The following RGS6 variants were observed in gnomAD, a reference collection of about 807,000 sequenced individuals.
RGS6 encodes the protein regulator of G protein signaling 6.
RGS6 carries 30 observed loss-of-function variants against 78.5 expected under a neutral mutation model. The observed-to-expected ratio is 0.38, with a 90% CI of 0.29 to 0.52. RGS6 has a LOEUF of 0.52. Ranked by LOEUF, RGS6 falls within the 20% of genes least tolerant of loss-of-function variation. RGS6 has a pLI of 0.85. For synonymous variants in RGS6, 206 were observed against 206.0 expected, an observed-to-expected ratio of 1.00 and a Z score of 0.00; for missense variants, 495 against 609.7, an observed-to-expected ratio of 0.81 and a Z score of 1.98.
chr14:72,443,834 C>T (rs929413132), intron 3 of RGS6, among the ~76,000 whole-genome samples: 11 of 152,144 alleles, frequency 7.2e-5, no homozygotes, highest in Non-Finnish European at 1.5e-4. Context: ...TCTGCTTATT[C>T]GATTCTTATT....
chr14:72,433,100 A>G (rs1449742790), intron 3 of RGS6, among the ~76,000 whole-genome samples: 4 of 152,184 alleles, frequency 2.6e-5, no homozygotes, highest in African/African-American at 9.7e-5. Flanking sequence ...AGGTGTTTAG[A>G]ATGTTGAGAC....
intron 2 of RGS6, among the ~76,000 whole-genome samples, chr14:72,010,906 G>T (rs907239286): frequency 1.3e-5 from 2 of 152,156 alleles, no homozygotes; most frequent in African/African-American, 4.8e-5. Flanking sequence ...AATTGCTTTT[G>T]TTCTGTGTTT....
intron 2 of RGS6, among the ~76,000 whole-genome samples, chr14:72,031,392 A>C (rs4899416): frequency 0.035 from 5,381 of 152,274 alleles, 104 homozygotes; most frequent in African/African-American, 0.049. Context: ...GTGTACTTAT[A>C]GAGTATACGA....
intron 2 of RGS6, among the ~76,000 whole-genome samples, chr14:72,043,916 G>T (rs1437492353): frequency 6.6e-6 from 1 of 152,146 alleles, no homozygotes; most frequent in Non-Finnish European, 1.5e-5. Context: ...TGTCACTGCT[G>T]CTGCTCCTTC....
At position 72,259,818 on chromosome 14, in the gene RGS6, G is replaced by A. The variant is rs1267821954; in HGVS notation, c.85-92277G>A. On this transcript the variant is annotated intron_variant, in intron 2 of 17. Transcript: ENST00000553525. ...CCCAGCTACTCAGGAGGCTGAGGCCGGAGAATGGCGTGAACCCGGGAGGCG... is the reference window on the plus strand; with the variant it reads ...CCCAGCTACTCAGGAGGCTGAGGCCAGAGAATGGCGTGAACCCGGGAGGCG... Among the ~76,000 whole-genome samples, 6 of 151,232 alleles carry A rather than the reference G, an allele frequency of 4.0e-5. No homozygotes were observed. In the South Asian group the frequency reaches 8.4e-4, roughly 21 times the overall value.
downstream of RGS6, among the ~76,000 whole-genome samples, chr14:72,568,410 T>C (rs2097716495): frequency 6.6e-6 from 1 of 152,200 alleles, no homozygotes; most frequent in Admixed American, 6.5e-5. Context: ...TGCAAATCCC[T>C]GCCAGACGGA....
At chr14:72,336,681 T>A (rs965908230) in intron 2 of RGS6, among the ~76,000 whole-genome samples, 1 of 152,184 alleles carries the variant, frequency 6.6e-6, no homozygotes, top group Non-Finnish European at 1.5e-5. Flanking sequence ...AGGAGTACAT[T>A]AGCTTGCTAG....
intron 2 of RGS6, among the ~76,000 whole-genome samples, chr14:72,159,217 A>T (rs2096819051): frequency 6.6e-6 from 1 of 152,198 alleles, no homozygotes. Flanking sequence ...CTAAGACATT[A>T]TGCGAACCAT....
chr14:72,328,919 T>A (rs2074378088), intron 2 of RGS6, among the ~76,000 whole-genome samples: 1 of 152,266 alleles, frequency 6.6e-6, no homozygotes, highest in Non-Finnish European at 1.5e-5. Flanking sequence ...TTGCCCAGGC[T>A]AGAGTGCAAT....
the RGS6 span, among the ~76,000 whole-genome samples, chr14:71,904,764 T>C: frequency 6.6e-6 from 1 of 152,260 alleles, no homozygotes; most frequent in Non-Finnish European, 1.5e-5. Context: ...GTCTAATGTT[T>C]GCATGGAACT....
chr14:72,309,790 C>A (rs550179925), intron 2 of RGS6, among the ~76,000 whole-genome samples: 1 of 152,252 alleles, frequency 6.6e-6, no homozygotes, highest in Admixed American at 6.5e-5. Flanking sequence ...CTGGCCATAG[C>A]CCAAGGAGGA....
the RGS6 span, among the ~76,000 whole-genome samples, chr14:71,913,628 G>T: frequency 3.3e-5 from 5 of 152,170 alleles, no homozygotes; most frequent in African/African-American, 1.2e-4. Flanking sequence ...ACTCTGTTCT[G>T]GCCGATGAGA....
intron 6 of RGS6, among the ~76,000 whole-genome samples, chr14:72,462,686 G>A (rs931204890): frequency 6.6e-6 from 1 of 152,114 alleles, no homozygotes; most frequent in African/African-American, 2.4e-5. Flanking sequence ...TGAATAAATG[G>A]ATCGGTGAAT....
intron 3 of RGS6, among the ~76,000 whole-genome samples, chr14:72,383,177 CATATAT>C (rs35175623): frequency 0.012 from 870 of 71,022 alleles, 16 homozygotes; most frequent in East Asian, 0.049. Flanking sequence ...AAAAATTGTA[CATATAT>C]ATATATATAT....
chr14:72,270,142 TG>T (rs1203557759), intron 2 of RGS6, among the ~76,000 whole-genome samples: 1 of 152,122 alleles, frequency 6.6e-6, no homozygotes, highest in Non-Finnish European at 1.5e-5. Context: ...CCTTGACAAA[TG>T]GGGATGGATC....
At chr14:72,097,190 CA>C (rs1190040166) in intron 2 of RGS6, among the ~76,000 whole-genome samples, 4 of 152,062 alleles carry the variant, frequency 2.6e-5, no homozygotes, top group Admixed American at 2.0e-4. Flanking sequence ...TAGTTACAAA[CA>C]AAAAACAAAA....
chr14:72,478,128 G>A, intron 11 of RGS6, 140 bp from the exon 12 acceptor site: 6 of 641,978 alleles, frequency 9.3e-6, no homozygotes, highest in Non-Finnish European at 1.7e-5. Context: ...TTTGCTGGAG[G>A]GCAGAGCTGA....
intron 2 of RGS6, among the ~76,000 whole-genome samples, chr14:71,987,063 CATATTT>C (rs1409235501): frequency 7.9e-5 from 12 of 152,170 alleles, no homozygotes; most frequent in African/African-American, 2.7e-4. Flanking sequence ...AGTCAAATAA[CATATTT>C]ATAGGTTTGT....
At chr14:71,921,310 A>T in the RGS6 span, among the ~76,000 whole-genome samples, 2 of 151,214 alleles carry the variant, frequency 1.3e-5, no homozygotes, top group African/African-American at 4.8e-5. Flanking sequence ...ATTAAAAAAA[A>T]GGGTTCCCCC....
Sources: gnomAD v4.1 joint callset for allele counts (sites outside exome capture counted in the v4.1 genomes callset) on GRCh38, gnomAD v4.1.1 for gene constraint, MANE v1.5 for transcripts, NCBI Gene and HGNC (gene_info 2026-07-23, HGNC 2026-07-21) for gene names.